Variants in SRGAP1 observed in about 807,000 individuals in gnomAD.
SRGAP1 encodes SLIT-ROBO Rho GTPase activating protein 1.
Under a neutral mutation model 121.9 loss-of-function variants are expected in SRGAP1, and 43 were observed. That is an observed-to-expected ratio of 0.35 (90% CI 0.28 to 0.46). SRGAP1 has a LOEUF of 0.46. SRGAP1 is among the 20% of genes least tolerant of loss of function. The pLI is 1.00. For missense variants in SRGAP1, 1,102 were observed against 1,350.9 expected (o/e 0.82, Z 2.89); for synonymous variants, 447 against 485.4 (o/e 0.92, Z 1.04).
intron 16 of SRGAP1, 63 bp from the exon 17 acceptor site, chr12:64,111,699 A>T: frequency 7.1e-7 from 1 of 1,403,828 alleles, no homozygotes; most frequent in Non-Finnish European, 9.7e-7. Context: ...TCTTGTTATT[A>T]AACATTTATA....
At chr12:63,850,103 A>G (rs186200511) in intron 1 of SRGAP1, among the ~76,000 whole-genome samples, 41 of 152,368 alleles carry the variant, frequency 2.7e-4, no homozygotes, top group African/African-American at 9.4e-4. Flanking sequence ...TTTAAGGTCT[A>G]GAAAAACAAC....
chr12:64,059,370 T>G, intron 6 of SRGAP1, among the ~76,000 whole-genome samples: 1 of 152,320 alleles, frequency 6.6e-6, no homozygotes, highest in Non-Finnish European at 1.5e-5. Flanking sequence ...CTCTTTTTTT[T>G]CTGCCTTTTC....
intron 21 of SRGAP1, among the ~76,000 whole-genome samples, chr12:64,141,282 A>G (rs2036956344): frequency 8.5e-6 from 1 of 117,680 alleles, no homozygotes; most frequent in Non-Finnish European, 1.7e-5. Flanking sequence ...TAAAAAAAAA[A>G]AAAAAAAAGA....
intron 1 of SRGAP1, among the ~76,000 whole-genome samples, chr12:63,956,720 C>CTT (rs3067620): frequency 0.074 from 7,183 of 96,818 alleles, 688 homozygotes; most frequent in African/African-American, 0.13. Flanking sequence ...GTAAGCAAGG[C>CTT]TTTTTTTTTT....
intron 1 of SRGAP1, among the ~76,000 whole-genome samples, chr12:63,906,830 A>C (rs1266273179): frequency 1.3e-5 from 2 of 152,008 alleles, no homozygotes; most frequent in Non-Finnish European, 2.9e-5. Context: ...AAAATGTATC[A>C]GCAGTGTCCT....
At chr12:63,865,979 C>T (rs188788093) in intron 1 of SRGAP1, among the ~76,000 whole-genome samples, 5 of 152,230 alleles carry the variant, frequency 3.3e-5, no homozygotes, top group East Asian at 3.9e-4. Flanking sequence ...ATCCACTTTT[C>T]GTTGCATGTC....
intron 5 of SRGAP1, 81 bp downstream of exon 5, chr12:64,043,053 A>T: frequency 1.1e-6 from 1 of 931,542 alleles, no homozygotes; most frequent in Non-Finnish European, 1.7e-6. Flanking sequence ...GCTGATATCC[A>T]CACATTGTAA....
chr12:64,136,745 T>TTTA (rs2036862450), intron 21 of SRGAP1, among the ~76,000 whole-genome samples: 1 of 152,178 alleles, frequency 6.6e-6, no homozygotes, highest in Non-Finnish European at 1.5e-5. Flanking sequence ...TTTTTTTCTG[T>TTTA]TTAGAGTGCT....
At chr12:63,846,836 A>G (rs962975039) in intron 1 of SRGAP1, among the ~76,000 whole-genome samples, 4 of 152,212 alleles carry the variant, frequency 2.6e-5, no homozygotes, top group African/African-American at 9.6e-5. Context: ...ATGGAGTCAG[A>G]TCATATACGC....
chr12:64,007,212 C>G (rs1464185714), intron 3 of SRGAP1, among the ~76,000 whole-genome samples: 14 of 152,110 alleles, frequency 9.2e-5, no homozygotes, highest in Non-Finnish European at 2.9e-5. Context: ...TAAACTGTGT[C>G]ATATAAGGCA....
intron 1 of SRGAP1, among the ~76,000 whole-genome samples, chr12:63,927,182 C>T (rs1211402731): frequency 1.3e-5 from 2 of 152,132 alleles, no homozygotes; most frequent in Non-Finnish European, 2.9e-5. Context: ...TGAATAGATT[C>T]TACTCCCATG....
At chr12:64,065,754 A>T (rs1008495484) in intron 8 of SRGAP1, among the ~76,000 whole-genome samples, 1 of 152,026 alleles carries the variant, frequency 6.6e-6, no homozygotes, top group Non-Finnish European at 1.5e-5. Flanking sequence ...TTTAAAATTC[A>T]CTTCTTTTTT....
intron 6 of SRGAP1, among the ~76,000 whole-genome samples, chr12:64,060,153 C>A (rs2035419715): frequency 1.3e-5 from 2 of 148,608 alleles, no homozygotes; most frequent in South Asian, 4.2e-4. Context: ...TTTCTTTTTC[C>A]TTCCTTCCAT....
intron 14 of SRGAP1, among the ~76,000 whole-genome samples, chr12:64,095,912 C>A (rs1335993101): frequency 3.9e-5 from 6 of 152,126 alleles, no homozygotes; most frequent in Non-Finnish European, 8.8e-5. Context: ...TTATAATTAG[C>A]AAAGCTGCAC....
At chr12:63,891,983 C>CAAAAAAAAAAAAAAAA in intron 1 of SRGAP1, among the ~76,000 whole-genome samples, 1 of 96,346 alleles carries the variant, frequency 1.0e-5, no homozygotes, top group Non-Finnish European at 2.1e-5. Context: ...AAGACTGTCT[C>CAAAAAAAAAAAAAAAA]AAAAAAAAAA....
At chr12:64,031,452 A>G (rs963707442) in intron 4 of SRGAP1, among the ~76,000 whole-genome samples, 1 of 152,166 alleles carries the variant, frequency 6.6e-6, no homozygotes. Flanking sequence ...ATTCAATATC[A>G]GTAGAATTTT....
intron 1 of SRGAP1, 114 bp from the exon 2 acceptor site, chr12:63,983,833 T>C (rs61933148): frequency 3.4e-5 from 4 of 118,864 alleles, no homozygotes; most frequent in Non-Finnish European, 6.4e-5. Flanking sequence ...TATATATATA[T>C]ATATATATAT....
At chr12:64,007,714 C>T (rs1020630725) in intron 3 of SRGAP1, among the ~76,000 whole-genome samples, 15 of 152,164 alleles carry the variant, frequency 9.9e-5, no homozygotes, top group Non-Finnish European at 1.8e-4. Flanking sequence ...ATTGGAGGAA[C>T]TTAAGTAGAG....
At chr12:64,097,568 T>A in intron 15 of SRGAP1, 193 bp downstream of exon 15, 1 of 511,682 alleles carries the variant, frequency 2.0e-6, no homozygotes, top group Non-Finnish European at 3.2e-6. Context: ...CTCGGCTGAG[T>A]GGGCTTTCCT....
Sources: allele counts gnomAD v4.1 joint callset (sites outside exome capture counted in the v4.1 genomes callset), GRCh38; gene constraint gnomAD v4.1.1; transcripts MANE v1.5; gene names NCBI Gene and HGNC (gene_info 2026-07-23, HGNC 2026-07-21).